CCDC91: variants seen among roughly 807,000 people sequenced by gnomAD.
CCDC91 encodes coiled-coil domain-containing protein 91.
CCDC91 carries 48 observed loss-of-function variants against 63.2 expected under a neutral mutation model. The ratio of observed to expected loss-of-function variants is 0.76; its 90% CI spans 0.60 to 0.97. CCDC91 has a LOEUF of 0.97. Ranked by LOEUF, CCDC91 falls within the 50% of genes least tolerant of loss-of-function variation. CCDC91 has a pLI of 0.00. For synonymous variants in CCDC91, 167 were observed against 165.8 expected (o/e 1.01, Z -0.06); for missense variants, 500 against 494.6 (o/e 1.01, Z -0.10).
intron 3 of CCDC91, among the ~76,000 whole-genome samples, chr12:28,270,426 C>G (rs1049845402): frequency 6.6e-6 from 1 of 152,210 alleles, no homozygotes; most frequent in South Asian, 2.1e-4. Flanking sequence ...TTGGAGGAAA[C>G]TTTAATTCAA....
chr12:28,329,285 G>A (rs547848458), intron 6 of CCDC91, among the ~76,000 whole-genome samples: 40 of 152,108 alleles, frequency 2.6e-4, no homozygotes, highest in African/African-American at 8.4e-4. Flanking sequence ...ACTTTCCGTC[G>A]TTTTATTCAT....
intron 8 of CCDC91, among the ~76,000 whole-genome samples, chr12:28,401,362 T>A (rs180888764): frequency 6.6e-6 from 1 of 152,100 alleles, no homozygotes; most frequent in Non-Finnish European, 1.5e-5. Context: ...TAATGAGAAC[T>A]CCCTATCACA....
chr12:28,238,829 G>A (rs1376335994), intron 1 of CCDC91, among the ~76,000 whole-genome samples: 3 of 152,104 alleles, frequency 2.0e-5, no homozygotes, highest in Non-Finnish European at 4.4e-5. Flanking sequence ...AATTAAAAAT[G>A]TGTGTGGCAG....
chr12:28,267,777 T>TATATAATTATATAG (rs1565699455), intron 3 of CCDC91, among the ~76,000 whole-genome samples: 1 of 72,818 alleles, frequency 1.4e-5, no homozygotes, highest in African/African-American at 5.5e-5. Flanking sequence ...AATTATATTA[T>TATATAATTATATAG]TAATATATAA....
chr12:28,361,854 T>G (rs1366393098), intron 6 of CCDC91, among the ~76,000 whole-genome samples: 1 of 137,200 alleles, frequency 7.3e-6, no homozygotes, highest in Non-Finnish European at 1.6e-5. Context: ...TTCTTTTGTC[T>G]TATCTGTTTT....
intron 3 of CCDC91, among the ~76,000 whole-genome samples, chr12:28,289,731 G>C (rs1283642674): frequency 3.5e-5 from 4 of 114,696 alleles, no homozygotes; most frequent in African/African-American, 1.4e-4. Context: ...TCACTCTGTT[G>C]CCCAGGCTGG....
chr12:28,239,382 T>G (rs1395106220), intron 1 of CCDC91, among the ~76,000 whole-genome samples: 1 of 152,074 alleles, frequency 6.6e-6, no homozygotes, highest in African/African-American at 2.4e-5. Context: ...TTTATGTGTT[T>G]ATGTATAAAG....
chr12:28,506,644 A>G (rs551923915), intron 12 of CCDC91, among the ~76,000 whole-genome samples: 1 of 152,110 alleles, frequency 6.6e-6, no homozygotes, highest in South Asian at 2.1e-4. Flanking sequence ...TTTAATGCTT[A>G]TAACAGGGCT....
intron 8 of CCDC91, among the ~76,000 whole-genome samples, chr12:28,405,996 T>G (rs1244574803): frequency 1.3e-5 from 2 of 152,082 alleles, no homozygotes; most frequent in Non-Finnish European, 2.9e-5. Flanking sequence ...ACCCTATGCA[T>G]CCCCCTTACG....
At chr12:28,199,996 G>T (rs1240504178) in intron 1 of CCDC91, among the ~76,000 whole-genome samples, 1 of 152,116 alleles carries the variant, frequency 6.6e-6, no homozygotes, top group Non-Finnish European at 1.5e-5. Context: ...AATTAGAGAA[G>T]TTTCCTTGTA....
intron 7 of CCDC91, among the ~76,000 whole-genome samples, chr12:28,378,974 A>C (rs191080134): frequency 3.8e-4 from 58 of 152,228 alleles, no homozygotes; most frequent in African/African-American, 1.3e-3. Context: ...AAGCCAGGCC[A>C]AAACCAAAAG....
intron 11 of CCDC91, among the ~76,000 whole-genome samples, chr12:28,460,266 G>T (rs568943141): frequency 6.6e-6 from 1 of 152,070 alleles, no homozygotes; most frequent in East Asian, 1.9e-4. Flanking sequence ...CATTGTTTGC[G>T]TACTAGATGG....
At chr12:28,340,906 C>T (rs1942369987) in intron 6 of CCDC91, among the ~76,000 whole-genome samples, 1 of 152,142 alleles carries the variant, frequency 6.6e-6, no homozygotes, top group African/African-American at 2.4e-5. Flanking sequence ...AATTGGATCC[C>T]ATGTGGGCTT....
At chr12:28,312,393 A>C (rs531935701) in intron 6 of CCDC91, among the ~76,000 whole-genome samples, 1 of 152,170 alleles carries the variant, frequency 6.6e-6, no homozygotes, top group East Asian at 1.9e-4. Flanking sequence ...TTCAACAAAA[A>C]TATTTACATT....
Position 28,407,537 on chromosome 12 carries a change from T to A in CCDC91, c.762+16126T>A, listed in dbSNP as rs539796631. On this transcript the variant is annotated intron_variant, in intron 8 of 12. Coordinates refer to ENST00000536442, the MANE Select transcript of CCDC91 (RefSeq NM_018318.5). ...TTGCATTTCCACATAACTTTTATAA[T>A]CCAGTATTGTTTTTATTTTACAAAG... is the stretch of plus-strand genomic sequence containing the variant. Among the ~76,000 whole-genome samples the A allele has an allele frequency of 2.0e-5, 3 of 152,344 alleles. No individual in the cohort carries two copies. In the South Asian group the frequency reaches 6.2e-4, roughly 32 times the overall value.
At chr12:28,423,848 A>G (rs542717032) in intron 8 of CCDC91, among the ~76,000 whole-genome samples, 20 of 152,306 alleles carry the variant, frequency 1.3e-4, no homozygotes, top group African/African-American at 4.8e-4. Context: ...GCCCCAGTCT[A>G]ACTTAAATTT....
intron 3 of CCDC91, among the ~76,000 whole-genome samples, chr12:28,303,436 T>C (rs1175802333): frequency 6.6e-6 from 1 of 152,026 alleles, no homozygotes; most frequent in Non-Finnish European, 1.5e-5. Flanking sequence ...TTCCCTCCTT[T>C]CTCCCTAACA....
intron 12 of CCDC91, among the ~76,000 whole-genome samples, chr12:28,497,185 G>A (rs1478950365): frequency 6.6e-6 from 1 of 151,174 alleles, no homozygotes; most frequent in African/African-American, 2.4e-5. Context: ...TCTGTTCTCT[G>A]TATTTATGTG....
rs192794416 is a variant in CCDC91 at position 28,402,479 on chromosome 12, T to G, written c.762+11068T>G. Among the ~76,000 whole-genome samples, 858 of 150,994 alleles carry G rather than the reference T, an allele frequency of 5.7e-3. 9 individuals carry two copies. Among genetic ancestry groups the G allele is most frequent in the African/African-American group, 0.02 (833 of 41,290 alleles). On this transcript the variant is annotated intron_variant, in intron 8 of 12. Transcript: ENST00000536442. Reference sequence around the variant, plus strand: ...ATTTGACTTTTTTGTATATTATCCTTGTATTCTACAAGTTTGCTGAATCAC... The same window carrying G: ...ATTTGACTTTTTTGTATATTATCCTGGTATTCTACAAGTTTGCTGAATCAC...
Sources: allele counts gnomAD v4.1 joint callset (sites outside exome capture counted in the v4.1 genomes callset), GRCh38; gene constraint gnomAD v4.1.1; transcripts MANE v1.5; gene names NCBI Gene and HGNC (gene_info 2026-07-23, HGNC 2026-07-21).